PEMT: variants seen among roughly 807,000 people sequenced by gnomAD.
PEMT encodes phospholipid methyltransferase.
In PEMT, 23 loss-of-function variants were observed where a neutral mutation model predicts 27.4. The observed-to-expected ratio is 0.84, with a 90% CI of 0.60 to 1.19. The LOEUF is 1.19. Among genes scored for constraint, PEMT ranks in the 50% most tolerant of loss-of-function variants. PEMT has a pLI of 0.00. For synonymous variants in PEMT, 137 were observed against 139.1 expected, an observed-to-expected ratio of 0.98 and a Z score of 0.11; for missense variants, 307 against 310.1, an observed-to-expected ratio of 0.99 and a Z score of 0.07.
At chr17:17,545,672 C>T (rs1254224273) in intron 2 of PEMT, among the ~76,000 whole-genome samples, 2 of 152,200 alleles carry the variant, frequency 1.3e-5, no homozygotes, top group Non-Finnish European at 2.9e-5. Flanking sequence ...CCTACTTTTG[C>T]CTGCTTCCAA....
chr17:17,557,759 A>G (rs1445202752), intron 2 of PEMT, among the ~76,000 whole-genome samples: 2 of 152,216 alleles, frequency 1.3e-5, no homozygotes, highest in Non-Finnish European at 2.9e-5. Context: ...CCACTCTCCC[A>G]GTTCCATGTA....
chr17:17,536,715 C>A (rs866914281), intron 2 of PEMT, among the ~76,000 whole-genome samples: 19 of 152,242 alleles, frequency 1.2e-4, no homozygotes, highest in African/African-American at 4.6e-4. Flanking sequence ...CTCATGAGGG[C>A]CTGCTACACC....
At chr17:17,529,961 G>A (rs1028772145) in intron 2 of PEMT, among the ~76,000 whole-genome samples, 12 of 152,072 alleles carry the variant, frequency 7.9e-5, no homozygotes, top group Non-Finnish European at 1.8e-4. Context: ...TAAGCTCCAG[G>A]ATATATTCAT....
chr17:17,577,736 G>A (rs1911710038), intron 1 of PEMT, among the ~76,000 whole-genome samples: 2 of 151,898 alleles, frequency 1.3e-5, no homozygotes, highest in Admixed American at 6.6e-5. Context: ...GCACTAGGTC[G>A]GCCGGGCGCG....
At chr17:17,549,472 CTT>C (rs1408052406) in intron 2 of PEMT, among the ~76,000 whole-genome samples, 3 of 152,098 alleles carry the variant, frequency 2.0e-5, no homozygotes, top group African/African-American at 7.2e-5. Context: ...ACAGGTGTGA[CTT>C]TTATATTTTT....
chr17:17,507,830 C>T (rs1018248204), intron 5 of PEMT: 1 of 153,770 alleles, frequency 6.5e-6, no homozygotes, highest in African/African-American at 2.4e-5. Context: ...AATGGCTCAT[C>T]TCTAATGAGC....
intron 2 of PEMT, among the ~76,000 whole-genome samples, chr17:17,524,600 C>CAAAAAA (rs35917481): frequency 7.7e-6 from 1 of 129,346 alleles, no homozygotes; most frequent in Non-Finnish European, 1.6e-5. Flanking sequence ...CCTGTCTCTC[C>CAAAAAA]AAAAAAAAAA....
chr17:17,584,319 C>T (rs1912129408), intron 1 of PEMT, among the ~76,000 whole-genome samples: 1 of 152,156 alleles, frequency 6.6e-6, no homozygotes, highest in Non-Finnish European at 1.5e-5. Flanking sequence ...GCCACCATGC[C>T]CAGCTATTTT....
intron 2 of PEMT, among the ~76,000 whole-genome samples, chr17:17,559,785 G>C (rs774365368): frequency 5.9e-5 from 9 of 152,214 alleles, no homozygotes; most frequent in Non-Finnish European, 1.3e-4. Context: ...GCAGCCCCAC[G>C]CCCTCCCAGT....
In PEMT at chr17:17,577,003, G is replaced by A. The variant is rs372480687; in HGVS notation, c.121C>T (p.Leu41=). Residue 41 remains leucine (L), a synonymous_variant, in exon 2 of 7, where the codon CTG becomes TTG. Coordinates refer to ENST00000255389, the MANE Select transcript of PEMT (RefSeq NM_148172.3). ...RQADFCVMTR[L]LGYVDPLDPS... is the part of the protein sequence containing the mutation. ...TCCAGGGGGTCCACGTAGCCCAGCA[G>A]CCGGGTCATAACGCAGAAGTCTGCC... is the stretch of plus-strand genomic sequence containing the variant. The A allele has an allele frequency of 4.8e-5, 77 of 1,613,974 alleles. No individual in the cohort carries two copies. The East Asian group carries it at 1.2e-3, about 26-fold the overall frequency.
intron 4 of PEMT, among the ~76,000 whole-genome samples, chr17:17,510,764 C>T (rs373860718): frequency 1.1e-4 from 17 of 152,344 alleles, no homozygotes; most frequent in African/African-American, 3.4e-4. Flanking sequence ...GTCCAGGACC[C>T]CCAGCTTGTT....
chr17:17,543,568 CTTT>C (rs991915377), intron 2 of PEMT, among the ~76,000 whole-genome samples: 37 of 147,224 alleles, frequency 2.5e-4, no homozygotes, highest in Admixed American at 4.7e-4. Context: ...CCAGCTTGTG[CTTT>C]TTTTTTTTAA....
chr17:17,523,100 C>A lies in PEMT; in HGVS notation c.205-705G>T, dbSNP rs1047782389. Among the ~76,000 whole-genome samples, 4 of 152,176 alleles carry A rather than the reference C, an allele frequency of 2.6e-5. No individual in the cohort carries two copies. Among genetic ancestry groups the A allele is most frequent in the Non-Finnish European group, 5.9e-5 (4 of 68,034 alleles). ...TGCCTGCTGTTTCCACAGTCCTGAG[C>A]TGGTTATCGCCCGGGCCTGGCCCAG... is the stretch of plus-strand genomic sequence containing the variant. On this transcript the variant is annotated intron_variant, in intron 2 of 6. Coordinates refer to ENST00000255389, the MANE Select transcript of PEMT (RefSeq NM_148172.3). This position sits in a 1 kb window ranked among gnomAD's most constrained non-coding sequence, Gnocchi z 4.8.
intron 2 of PEMT, chr17:17,570,901 G>C (rs1241692258): frequency 1.0e-6 from 1 of 985,248 alleles, no homozygotes; most frequent in African/African-American, 1.7e-5. Context: ...CTGGTCCTTG[G>C]ACCACTGCCC....
intron 4 of PEMT, among the ~76,000 whole-genome samples, chr17:17,511,550 G>T (rs1209746461): frequency 6.6e-6 from 1 of 152,232 alleles, no homozygotes; most frequent in Non-Finnish European, 1.5e-5. Flanking sequence ...TGGCAGGCAG[G>T]CCCGGGAGCT....
At chr17:17,562,295 C>T (rs1232770817) in intron 2 of PEMT, among the ~76,000 whole-genome samples, 2 of 152,350 alleles carry the variant, frequency 1.3e-5, no homozygotes, top group African/African-American at 2.4e-5. Flanking sequence ...TGTTGTGTCT[C>T]AGGCACTGAG....
chr17:17,524,600 C>CAA (rs35917481), intron 2 of PEMT, among the ~76,000 whole-genome samples: 1 of 129,340 alleles, frequency 7.7e-6, no homozygotes, highest in Non-Finnish European at 1.6e-5. Flanking sequence ...CCTGTCTCTC[C>CAA]AAAAAAAAAA....
intron 3 of PEMT, among the ~76,000 whole-genome samples, chr17:17,519,314 A>T (rs1597881183): frequency 6.6e-6 from 1 of 152,118 alleles, no homozygotes; most frequent in East Asian, 1.9e-4. Flanking sequence ...AGAGGAGAAA[A>T]GCAGCCCAGG....
intron 2 of PEMT, among the ~76,000 whole-genome samples, chr17:17,527,133 G>T (rs1907727200): frequency 6.6e-6 from 1 of 152,220 alleles, no homozygotes; most frequent in Non-Finnish European, 1.5e-5. Flanking sequence ...CGCCTCCCGG[G>T]TTCAGGTGAT....
Sources: allele counts gnomAD v4.1 joint callset (sites outside exome capture counted in the v4.1 genomes callset), GRCh38; gene constraint gnomAD v4.1.1; non-coding constraint Gnocchi (gnomAD v3.1); transcripts MANE v1.5; gene names NCBI Gene and HGNC (gene_info 2026-07-23, HGNC 2026-07-21).